The following CNTNAP2 variants were observed in gnomAD, a reference collection of about 807,000 sequenced individuals.
CNTNAP2 encodes contactin associated protein 2.
Under a neutral mutation model 155.2 loss-of-function variants are expected in CNTNAP2, and 98 were observed. That is an observed-to-expected ratio of 0.63 (90% CI 0.54 to 0.75). The LOEUF (loss-of-function observed/expected upper bound fraction) is 0.75. CNTNAP2 is among the 30% of genes least tolerant of loss of function. The pLI, the probability that CNTNAP2 is intolerant of heterozygous loss-of-function variation, is 0.00. For synonymous variants in CNTNAP2, 651 were observed against 631.2 expected, an observed-to-expected ratio of 1.03 and a Z score of -0.47; for missense variants, 1,727 against 1,688.1, an observed-to-expected ratio of 1.02 and a Z score of -0.40.
chr7:146,287,707 G>T (rs560017083), intron 1 of CNTNAP2, among the ~76,000 whole-genome samples: 1 of 152,172 alleles, frequency 6.6e-6, no homozygotes, highest in Non-Finnish European at 1.5e-5. Flanking sequence ...ATATTTGAGC[G>T]CATAGAGTTG....
intron 1 of CNTNAP2, among the ~76,000 whole-genome samples, chr7:146,541,424 T>G (rs1430493775): frequency 6.6e-6 from 1 of 152,016 alleles, no homozygotes; most frequent in Non-Finnish European, 1.5e-5. Context: ...TTGGAGAAGC[T>G]TCATTATATT....
intron 3 of CNTNAP2, among the ~76,000 whole-genome samples, chr7:146,906,525 C>A (rs1414352048): frequency 1.6e-4 from 24 of 152,084 alleles, no homozygotes; most frequent in African/African-American, 5.3e-4. Context: ...CTGGGAGGCA[C>A]CCCCCAGCAG....
Position 148,384,538 on chromosome 7 carries a change from G to A in CNTNAP2, c.3715+650G>A, listed in dbSNP as rs146190994. 5.5e-3 allele frequency among the ~76,000 whole-genome samples: 843 copies of A among 152,248 alleles called. 6 individuals carry two copies. The highest frequency in any genetic ancestry group is 0.019 in the African/African-American group (774 of 41,542). ...AGCTGTATCTCAGGAGACTTAGGTC[G>A]TACTCCTAGCTCCACCTAAATTGGC... is the stretch of plus-strand genomic sequence containing the variant. On this transcript the variant is annotated intron_variant, in intron 22 of 23. Transcript: ENST00000361727.
chr7:146,831,201 T>C (rs1463645131), intron 2 of CNTNAP2, among the ~76,000 whole-genome samples: 3 of 152,230 alleles, frequency 2.0e-5, no homozygotes, highest in African/African-American at 7.2e-5. Context: ...AGGATCTCTC[T>C]TGTTATTTTT....
At chr7:146,673,980 T>C (rs1417622358) in intron 1 of CNTNAP2, among the ~76,000 whole-genome samples, 1 of 152,232 alleles carries the variant, frequency 6.6e-6, no homozygotes, top group Admixed American at 6.5e-5. Context: ...AACCTTTATG[T>C]ACTTACTGTT....
chr7:146,889,411 C>T (rs1795734471), intron 3 of CNTNAP2, among the ~76,000 whole-genome samples: 1 of 151,978 alleles, frequency 6.6e-6, no homozygotes. Flanking sequence ...AATTTGTGGT[C>T]TTGGGTAAGT....
At chr7:147,444,686 C>T (rs949045017) in intron 10 of CNTNAP2, among the ~76,000 whole-genome samples, 2 of 151,836 alleles carry the variant, frequency 1.3e-5, no homozygotes, top group Admixed American at 6.6e-5. Flanking sequence ...AACTCCATGC[C>T]AATGAGATGA....
At chr7:148,054,074 G>A (rs968042846) in intron 15 of CNTNAP2, among the ~76,000 whole-genome samples, 4 of 150,150 alleles carry the variant, frequency 2.7e-5, no homozygotes, top group South Asian at 2.1e-4. Flanking sequence ...CCGGGTTCAC[G>A]CCATTCTCCT....
intron 5 of CNTNAP2, among the ~76,000 whole-genome samples, chr7:147,116,675 A>G (rs1218866224): frequency 6.6e-6 from 1 of 151,060 alleles, no homozygotes; most frequent in Non-Finnish European, 1.5e-5. Flanking sequence ...GGAATGACTG[A>G]ATTGTCCAAA....
At chr7:147,448,755 T>C (rs933754275) in intron 10 of CNTNAP2, among the ~76,000 whole-genome samples, 5 of 152,064 alleles carry the variant, frequency 3.3e-5, no homozygotes, top group African/African-American at 1.2e-4. Context: ...TTTATACTTA[T>C]GAAAATTTAT....
chr7:147,715,981 G>C (rs925258375), intron 13 of CNTNAP2, among the ~76,000 whole-genome samples: 1 of 152,092 alleles, frequency 6.6e-6, no homozygotes, highest in Non-Finnish European at 1.5e-5. Flanking sequence ...CCATCAGATT[G>C]CTTTTGCTCT....
At chr7:146,288,907 C>A (rs1276222600) in intron 1 of CNTNAP2, among the ~76,000 whole-genome samples, 2 of 144,244 alleles carry the variant, frequency 1.4e-5, no homozygotes, top group Admixed American at 1.5e-4. Flanking sequence ...CAGGTTCAAG[C>A]GATTCTCCTG....
chr7:146,349,503 T>C (rs557760089), intron 1 of CNTNAP2, among the ~76,000 whole-genome samples: 132 of 152,350 alleles, frequency 8.7e-4, no homozygotes, highest in African/African-American at 3.1e-3. Context: ...TATTTGGTCC[T>C]GTCATTAGGA....
chr7:147,687,390 G>A (rs941428054), intron 13 of CNTNAP2, among the ~76,000 whole-genome samples: 1 of 152,066 alleles, frequency 6.6e-6, no homozygotes, highest in Non-Finnish European at 1.5e-5. Context: ...TGTGATGAAG[G>A]CTTTGGGATA....
intron 1 of CNTNAP2, among the ~76,000 whole-genome samples, chr7:146,322,557 G>A (rs2129092804): frequency 6.6e-6 from 1 of 150,514 alleles, no homozygotes; most frequent in Non-Finnish European, 1.5e-5. Flanking sequence ...TTAAATTTGG[G>A]AAATCTATTG....
At chr7:148,350,353 C>CT (rs1798406547) in intron 21 of CNTNAP2, among the ~76,000 whole-genome samples, 1 of 152,154 alleles carries the variant, frequency 6.6e-6, no homozygotes, top group Non-Finnish European at 1.5e-5. Context: ...AATGACAGCT[C>CT]TTCTCATTCT....
intron 2 of CNTNAP2, among the ~76,000 whole-genome samples, chr7:146,804,794 G>A (rs549331200): frequency 4.5e-4 from 68 of 152,232 alleles, no homozygotes; most frequent in Non-Finnish European, 8.5e-4. Context: ...GCTGTGTAGC[G>A]TGAAAGTCAC....
At chr7:146,184,950 A>T (rs763920711) in intron 1 of CNTNAP2, among the ~76,000 whole-genome samples, 15 of 152,180 alleles carry the variant, frequency 9.9e-5, no homozygotes, top group Non-Finnish European at 2.1e-4. Flanking sequence ...CCATATTCAG[A>T]GATGGTTTTT....
At chr7:148,269,481 T>C (rs1027890455) in intron 21 of CNTNAP2, among the ~76,000 whole-genome samples, 5 of 152,166 alleles carry the variant, frequency 3.3e-5, no homozygotes, top group Admixed American at 6.5e-5. Flanking sequence ...CACGTGTAAA[T>C]ATAAGAAACA....
Sources: allele counts gnomAD v4.1 joint callset (sites outside exome capture counted in the v4.1 genomes callset), GRCh38; gene constraint gnomAD v4.1.1; transcripts MANE v1.5; gene names NCBI Gene and HGNC (gene_info 2026-07-23, HGNC 2026-07-21).